Variants in PARP15 observed in about 807,000 individuals in gnomAD.
PARP15 encodes poly(ADP-ribose) polymerase family member 15, also known as protein mono-ADP-ribosyltransferase PARP15.
PARP15 carries 50 observed loss-of-function variants against 62.1 expected under a neutral mutation model. The observed-to-expected ratio is 0.81, with a 90% CI of 0.64 to 1.02. PARP15 has a LOEUF of 1.02. Ranked by LOEUF, PARP15 falls within the 50% of genes least tolerant of loss-of-function variation. The pLI, the probability that PARP15 is intolerant of heterozygous loss-of-function variation, is 0.00. For synonymous variants in PARP15, 309 were observed against 293.1 expected (o/e 1.05, Z -0.55); for missense variants, 820 against 826.5 (o/e 0.99, Z 0.10).
At chr3:122,621,251 A>T (rs1323922050) in intron 7 of PARP15, 193 bp from the exon 8 acceptor site, 1 of 576,096 alleles carries the variant, frequency 1.7e-6, no homozygotes, top group Non-Finnish European at 3.0e-6. Flanking sequence ...TCAACAGTGT[A>T]TTTGTTGAGC....
chr3:122,612,970 G>A, intron 3 of PARP15, 71 bp from the exon 4 acceptor site: 1 of 1,344,244 alleles, frequency 7.4e-7, no homozygotes, highest in African/African-American at 1.5e-5. Context: ...CAGAGTTGCT[G>A]GGACCACAAC....
chr3:122,613,622 A>G (rs1374678699), intron 4 of PARP15, among the ~76,000 whole-genome samples: 1 of 152,176 alleles, frequency 6.6e-6, no homozygotes, highest in Non-Finnish European at 1.5e-5. Flanking sequence ...AGTTATTTGG[A>G]TAGCATAGAC....
chr3:122,609,157 A>ATTTTGTTTTG (rs968807687), intron 2 of PARP15, among the ~76,000 whole-genome samples: 1 of 152,060 alleles, frequency 6.6e-6, no homozygotes, highest in East Asian at 1.9e-4. Context: ...GCTAGATCTA[A>ATTTTGTTTTG]TTTTGTTTTG....
chr3:122,635,274 C>A (rs1185764525), intron 11 of PARP15, 80 bp downstream of exon 11: 7 of 1,298,414 alleles, frequency 5.4e-6, no homozygotes, highest in Admixed American at 2.4e-5. Flanking sequence ...AGTGTGGAAC[C>A]ATGGTGGGCA....
chr3:122,598,740 G>C (rs1934551686), intron 1 of PARP15, among the ~76,000 whole-genome samples: 1 of 152,174 alleles, frequency 6.6e-6, no homozygotes, highest in Non-Finnish European at 1.5e-5. Flanking sequence ...AGTAGGAATT[G>C]AGAGTGATCT....
rs1324995378 is a variant in PARP15, at chr3:122,637,510, A to G, written c.*1410A>G. ...GTATATTAGAGTTACGTAAATTCTT[A>G]AAATGCTTAGCAGCTCATTTATCCT... is the stretch of plus-strand genomic sequence containing the variant. On this transcript the variant is annotated 3_prime_UTR_variant, in exon 12 of 12. Transcript: ENST00000464300. The G allele has an allele frequency of 1.3e-5, 2 of 152,204 alleles. No homozygotes were observed. Among genetic ancestry groups the G allele is most frequent in the Non-Finnish European group, 2.9e-5 (2 of 68,034 alleles). 9.4% of individuals were successfully genotyped at this position (152,204 alleles called of 1,614,324 possible). A position where few individuals can be genotyped will look rare whatever the true frequency, so the allele number is the denominator to read the frequency against.
chr3:122,606,468 A>T (rs1165584755), intron 2 of PARP15, among the ~76,000 whole-genome samples: 1 of 152,186 alleles, frequency 6.6e-6, no homozygotes, highest in Non-Finnish European at 1.5e-5. Flanking sequence ...GAAACACAGG[A>T]AGAATGAGGA....
intron 1 of PARP15, among the ~76,000 whole-genome samples, chr3:122,579,308 G>A (rs1001089319): frequency 8.6e-5 from 13 of 151,960 alleles, no homozygotes; most frequent in Non-Finnish European, 8.8e-5. Flanking sequence ...GTCTATTTAC[G>A]TGTATGTATG....
intron 1 of PARP15, among the ~76,000 whole-genome samples, chr3:122,580,023 A>G (rs56034027): frequency 0.1 from 14,206 of 141,982 alleles, 1,433 homozygotes; most frequent in Admixed American, 0.14. Flanking sequence ...ATATATATAT[A>G]TATATATATA....
chr3:122,590,995 G>A (rs1933867048), intron 1 of PARP15, among the ~76,000 whole-genome samples: 1 of 152,156 alleles, frequency 6.6e-6, no homozygotes, highest in Non-Finnish European at 1.5e-5. Context: ...ATGATTTGGT[G>A]AGTAAATCTG....
chr3:122,606,637 C>T (rs146723927), intron 2 of PARP15, among the ~76,000 whole-genome samples: 25 of 152,308 alleles, frequency 1.6e-4, no homozygotes, highest in Non-Finnish European at 2.9e-4. Flanking sequence ...ATCCTGGCTG[C>T]AGATCATAAT....
At chr3:122,582,178 CT>C (rs3052709) in intron 1 of PARP15, among the ~76,000 whole-genome samples, 133 of 149,032 alleles carry the variant, frequency 8.9e-4, no homozygotes, top group African/African-American at 2.4e-3. Context: ...ATGATATTTC[CT>C]TTTTTTTTTT....
At chr3:122,596,342 G>A (rs1450807976) in intron 1 of PARP15, among the ~76,000 whole-genome samples, 3 of 108,966 alleles carry the variant, frequency 2.8e-5, no homozygotes, top group African/African-American at 7.2e-5. Flanking sequence ...GCAACAGAGC[G>A]AGACTCCATC....
At chr3:122,608,397 G>C (rs1480101098) in intron 2 of PARP15, among the ~76,000 whole-genome samples, 1 of 151,716 alleles carries the variant, frequency 6.6e-6, no homozygotes, top group Non-Finnish European at 1.5e-5. Flanking sequence ...TCTATTTTTA[G>C]TAGAGACCGG....
intron 1 of PARP15, among the ~76,000 whole-genome samples, chr3:122,595,348 C>T (rs1324644704): frequency 6.6e-6 from 1 of 151,704 alleles, no homozygotes; most frequent in Non-Finnish European, 1.5e-5. Flanking sequence ...CTTTTACCTC[C>T]AGTGTTCCAC....
At chr3:122,615,197 C>A in intron 4 of PARP15, 2 of 1,253,430 alleles carry the variant, frequency 1.6e-6, no homozygotes, top group Non-Finnish European at 2.1e-6. Context: ...ATCACTCACA[C>A]GACCAAAATG....
chr3:122,636,350 A>G lies in PARP15; in HGVS notation c.*250A>G. On this transcript the variant is annotated 3_prime_UTR_variant, in exon 12 of 12. Transcript: ENST00000464300. ...AGCTACAACCATTCACAGACACCAA[A>G]TCTCTAGGAGAATAAAAAGCACATT... The G allele has an allele frequency of 2.2e-6, 1 of 449,556 alleles. No homozygotes were observed. Among genetic ancestry groups the G allele is most frequent in the East Asian group, 3.6e-5 (1 of 27,520 alleles). The allele number at this position is 449,556 out of a possible 1,614,324, so 27.8% of individuals were successfully genotyped here. A position where few individuals can be genotyped will look rare whatever the true frequency, so the allele number is the denominator to read the frequency against.
At chr3:122,634,973 G>A (rs771127049) in intron 10 of PARP15, 47 bp from the exon 11 acceptor site, 2 of 1,564,536 alleles carry the variant, frequency 1.3e-6, no homozygotes, top group East Asian at 4.5e-5. Context: ...ACAATATACT[G>A]AGCCCCAAGG....
At position 122,636,358 on chromosome 3, in the gene PARP15, G is replaced by A; in HGVS notation, c.*258G>A. On this transcript the variant is annotated 3_prime_UTR_variant, in exon 12 of 12. Transcript: ENST00000464300. The stretch of plus-strand genomic sequence containing the variant: ...CCATTCACAGACACCAAATCTCTAG[G>A]AGAATAAAAAGCACATTATTCTTTT... 4.8e-6 allele frequency: 2 copies of A among 413,506 alleles called. No individual in the cohort carries two copies. Among genetic ancestry groups the A allele is most frequent in the Middle Eastern group, 6.8e-4 (1 of 1,480 alleles). 25.6% of individuals were successfully genotyped at this position (413,506 alleles called of 1,614,324 possible).
Sources: allele counts gnomAD v4.1 joint callset (sites outside exome capture counted in the v4.1 genomes callset), GRCh38; gene constraint gnomAD v4.1.1; transcripts MANE v1.5; gene names NCBI Gene and HGNC (gene_info 2026-07-23, HGNC 2026-07-21).